The following LDLRAD3 variants were observed in gnomAD, a reference collection of about 807,000 sequenced individuals.
LDLRAD3 encodes low-density lipoprotein receptor class A domain-containing protein 3.
LDLRAD3 carries 20 observed loss-of-function variants against 29.4 expected under a neutral mutation model. The observed-to-expected ratio is 0.68, with a 90% CI of 0.48 to 0.99. The LOEUF is 0.99. Ranked by LOEUF, LDLRAD3 falls within the 50% of genes least tolerant of loss-of-function variation. LDLRAD3 has a pLI of 0.00. For missense variants in LDLRAD3, 420 were observed against 454.3 expected, an observed-to-expected ratio of 0.92 and a Z score of 0.69; for synonymous variants, 157 against 192.7, an observed-to-expected ratio of 0.81 and a Z score of 1.53.
At chr11:36,099,059 A>G (rs1853407928) in intron 4 of LDLRAD3, among the ~76,000 whole-genome samples, 1 of 151,614 alleles carries the variant, frequency 6.6e-6, no homozygotes, top group Admixed American at 6.6e-5. Flanking sequence ...TTTCATTTGC[A>G]TTTCTCTGAT....
At chr11:35,964,038 AT>A in intron 1 of LDLRAD3, among the ~76,000 whole-genome samples, 1 of 152,268 alleles carries the variant, frequency 6.6e-6, no homozygotes, top group South Asian at 2.1e-4. Context: ...CCTTGATGTG[AT>A]GGAATTCCAG....
At chr11:36,021,385 G>T (rs1414309122) in intron 1 of LDLRAD3, among the ~76,000 whole-genome samples, 1 of 152,172 alleles carries the variant, frequency 6.6e-6, no homozygotes, top group Non-Finnish European at 1.5e-5. Flanking sequence ...AGAGAGCCAG[G>T]TGTGTGTTAA....
At chr11:36,066,895 CT>C (rs1435409074) in intron 2 of LDLRAD3, among the ~76,000 whole-genome samples, 1 of 152,174 alleles carries the variant, frequency 6.6e-6, no homozygotes, top group Non-Finnish European at 1.5e-5. Flanking sequence ...CATCACTTTC[CT>C]TTAGAAAGAT....
chr11:35,995,915 G>A (rs1421664571), intron 1 of LDLRAD3, among the ~76,000 whole-genome samples: 1 of 152,172 alleles, frequency 6.6e-6, no homozygotes, highest in Non-Finnish European at 1.5e-5. Context: ...CCTTGCCCTG[G>A]ATTAGGCTGT....
intron 4 of LDLRAD3, among the ~76,000 whole-genome samples, chr11:36,125,067 C>T (rs1216640183): frequency 2.0e-5 from 3 of 152,162 alleles, no homozygotes; most frequent in Non-Finnish European, 4.4e-5. Flanking sequence ...TTAGCTGTTT[C>T]CCTCCTCACC....
At chr11:36,037,470 G>A (rs573400356) in intron 2 of LDLRAD3, among the ~76,000 whole-genome samples, 5 of 151,946 alleles carry the variant, frequency 3.3e-5, no homozygotes, top group Non-Finnish European at 7.4e-5. Flanking sequence ...ACCCACCACC[G>A]TGCCCAACTA....
chr11:36,097,127 C>A (rs1853372283), intron 3 of LDLRAD3, among the ~76,000 whole-genome samples: 1 of 152,196 alleles, frequency 6.6e-6, no homozygotes, highest in African/African-American at 2.4e-5. Context: ...TCTGTCATTT[C>A]TTTTGAGGTC....
intron 2 of LDLRAD3, among the ~76,000 whole-genome samples, chr11:36,051,527 C>T (rs1005431504): frequency 6.6e-6 from 1 of 152,190 alleles, no homozygotes; most frequent in Non-Finnish European, 1.5e-5. Context: ...CTTAGAACAA[C>T]ACCTGCTTCA....
chr11:35,953,215 G>A (rs546768935), intron 1 of LDLRAD3, among the ~76,000 whole-genome samples: 4 of 152,212 alleles, frequency 2.6e-5, no homozygotes, highest in Non-Finnish European at 5.9e-5. Flanking sequence ...GACAAATAGC[G>A]CAGTGTGCAG....
intron 4 of LDLRAD3, among the ~76,000 whole-genome samples, chr11:36,185,511 A>G (rs1376993677): frequency 6.6e-6 from 1 of 152,234 alleles, no homozygotes; most frequent in Non-Finnish European, 1.5e-5. Context: ...CAGTGGCACA[A>G]GATGGCTTGT....
intron 4 of LDLRAD3, among the ~76,000 whole-genome samples, chr11:36,114,982 C>T (rs1048638386): frequency 5.9e-5 from 9 of 152,286 alleles, no homozygotes; most frequent in African/African-American, 1.9e-4. Flanking sequence ...AGAAATGATG[C>T]TATGTGATTT....
chr11:36,000,596 A>G lies in LDLRAD3; in HGVS notation c.47-35507A>G, dbSNP rs1023008835. 5.9e-5 allele frequency among the ~76,000 whole-genome samples: 9 copies of G among 152,214 alleles called. No individual in the cohort carries two copies. The East Asian group carries it at 1.7e-3, about 29-fold the overall frequency. Reference sequence around the variant, plus strand: ...TAACTATATTTCTTTATATGTGTGAAATATTTAATGCTGTTAAACGGTATG... The same window carrying G: ...TAACTATATTTCTTTATATGTGTGAGATATTTAATGCTGTTAAACGGTATG... On this transcript the variant is annotated intron_variant, in intron 1 of 5. Coordinates refer to ENST00000315571, the MANE Select transcript of LDLRAD3 (RefSeq NM_174902.4).
chr11:35,961,095 G>A (rs979690188), intron 1 of LDLRAD3, among the ~76,000 whole-genome samples: 1 of 152,220 alleles, frequency 6.6e-6, no homozygotes, highest in African/African-American at 2.4e-5. Context: ...GTAGGACTGG[G>A]TGATAAGGTC....
At chr11:36,049,339 C>T (rs1300840902) in intron 2 of LDLRAD3, among the ~76,000 whole-genome samples, 2 of 151,408 alleles carry the variant, frequency 1.3e-5, no homozygotes, top group African/African-American at 4.8e-5. Context: ...GTGCAGTTGC[C>T]AGATCGCTTT....
chr11:36,077,306 C>T (rs182405704), intron 2 of LDLRAD3, among the ~76,000 whole-genome samples: 41 of 152,178 alleles, frequency 2.7e-4, no homozygotes, highest in African/African-American at 9.9e-4. Flanking sequence ...TACCCCTTCT[C>T]TTCTTATATG....
At chr11:35,962,094 C>T (rs1488508186) in intron 1 of LDLRAD3, among the ~76,000 whole-genome samples, 1 of 152,194 alleles carries the variant, frequency 6.6e-6, no homozygotes, top group East Asian at 1.9e-4. Context: ...CACATTTTCA[C>T]TTAAAAAATT....
intron 4 of LDLRAD3, among the ~76,000 whole-genome samples, chr11:36,122,264 G>A (rs1192147447): frequency 2.0e-5 from 3 of 152,048 alleles, no homozygotes; most frequent in African/African-American, 4.8e-5. Flanking sequence ...CAAAAGGATG[G>A]GCATGAACAA....
chr11:36,024,560 C>A (rs908133880), intron 1 of LDLRAD3, among the ~76,000 whole-genome samples: 10 of 152,218 alleles, frequency 6.6e-5, no homozygotes, highest in African/African-American at 2.4e-4. Context: ...AGCTCATGCT[C>A]TTTTTAACAG....
At chr11:36,170,078 C>T (rs1854572950) in intron 4 of LDLRAD3, among the ~76,000 whole-genome samples, 1 of 152,084 alleles carries the variant, frequency 6.6e-6, no homozygotes, top group Admixed American at 6.5e-5. Context: ...GCCTTTGCCT[C>T]CTCATAGCTT....
Sources: gnomAD v4.1 joint callset for allele counts (sites outside exome capture counted in the v4.1 genomes callset) on GRCh38, gnomAD v4.1.1 for gene constraint, MANE v1.5 for transcripts, NCBI Gene and HGNC (gene_info 2026-07-23, HGNC 2026-07-21) for gene names.